Variants in VPS50 observed in about 807,000 individuals in gnomAD.
The protein encoded by VPS50 is VPS50 subunit of EARP/GARPII complex.
VPS50 carries 70 observed loss-of-function variants against 139.7 expected under a neutral mutation model. The ratio of observed to expected loss-of-function variants is 0.50; its 90% CI spans 0.41 to 0.61. VPS50 has a LOEUF of 0.61. Among genes scored for constraint, VPS50 ranks in the 20% least tolerant of loss-of-function variants. The pLI is 0.00. For synonymous variants in VPS50, 365 were observed against 376.7 expected (o/e 0.97, Z 0.36); for missense variants, 921 against 1,133.7 (o/e 0.81, Z 2.69).
intron 16 of VPS50, among the ~76,000 whole-genome samples, chr7:93,299,375 C>T (rs1170497141): frequency 1.3e-5 from 2 of 152,152 alleles, no homozygotes; most frequent in Non-Finnish European, 2.9e-5. Flanking sequence ...AATTTAATAT[C>T]CCCTTTGCCA....
At chr7:93,282,079 T>C (rs1007564512) in intron 12 of VPS50, among the ~76,000 whole-genome samples, 1 of 151,736 alleles carries the variant, frequency 6.6e-6, no homozygotes, top group African/African-American at 2.4e-5. Context: ...TGGCGGGCGC[T>C]TGTAGTCCCA....
intron 2 of VPS50, among the ~76,000 whole-genome samples, chr7:93,249,554 G>T (rs1468475705): frequency 1.3e-5 from 2 of 152,026 alleles, no homozygotes; most frequent in Non-Finnish European, 2.9e-5. Context: ...TTGAATTTCT[G>T]GCTTGGCTCT....
intron 21 of VPS50, 38 bp downstream of exon 21, chr7:93,323,770 A>C (rs773314749): frequency 8.5e-7 from 1 of 1,170,686 alleles, no homozygotes; most frequent in Non-Finnish European, 1.2e-6. Flanking sequence ...TCTTTCTTTT[A>C]AAATTTATTT....
intron 11 of VPS50, among the ~76,000 whole-genome samples, chr7:93,274,719 A>G (rs989840194): frequency 2.0e-5 from 3 of 152,180 alleles, no homozygotes; most frequent in Non-Finnish European, 2.9e-5. Context: ...TAAGAAATAC[A>G]TTTTATAAGG....
intron 2 of VPS50, among the ~76,000 whole-genome samples, chr7:93,248,131 T>C (rs1428922774): frequency 1.3e-5 from 2 of 151,998 alleles, no homozygotes; most frequent in Middle Eastern, 3.4e-3. Context: ...ATTATAAAAA[T>C]ATTTTAAACA....
At chr7:93,318,255 A>G (rs1315661104) in intron 20 of VPS50, among the ~76,000 whole-genome samples, 1 of 152,118 alleles carries the variant, frequency 6.6e-6, no homozygotes, top group Non-Finnish European at 1.5e-5. Flanking sequence ...ACCATCCCTC[A>G]GTACATGTCA....
Position 93,355,939 on chromosome 7 carries a change from A to G in VPS50, c.2634A>G (p.Gln878=), listed in dbSNP as rs1193451912. 1 of 1,606,566 alleles carries G rather than the reference A, an allele frequency of 6.2e-7. No individual in the cohort carries two copies. The highest frequency in any genetic ancestry group is 8.5e-7 in the Non-Finnish European group (1 of 1,174,472). The change falls in exon 27 of 28, where the codon CAA becomes CAG. Residue 878 remains glutamine, a synonymous_variant. Coordinates refer to ENST00000305866, the MANE Select transcript of VPS50 (RefSeq NM_017667.4). ...KCSNEGRALM[Q]LDFQQFLMKL... ...GTAATGAGGGTCGTGCCCTGATGCA[A>G]TTGGATTTTCAACAGTTTTTAATGA...
intron 1 of VPS50, 117 bp downstream of exon 1, chr7:93,232,617 CA>C: frequency 1.1e-6 from 1 of 929,922 alleles, no homozygotes; most frequent in African/African-American, 1.6e-5. Flanking sequence ...TGGCAGGTGT[CA>C]GGGGGACTGG....
Position 93,341,446 on chromosome 7 carries a change from CT to C in VPS50, c.2079del (p.Ala694ProfsTer21). On this transcript the variant is annotated frameshift_variant, in exon 23 of 28. Coordinates refer to ENST00000305866, the MANE Select transcript of VPS50 (RefSeq NM_017667.4). LOFTEE classifies it high-confidence loss of function. ...LIDLEVSADP[T>X]ATLTAAEERK... ...TTTCAGGAAGTTTCAGCTGATCCTA[CT>C]GCCACACTCACAGCAGCAGAAGAAA... 1.2e-6 allele frequency: 2 copies of C among 1,610,288 alleles called. No individual in the cohort carries two copies. Among genetic ancestry groups the C allele is most frequent in the Non-Finnish European group, 1.7e-6 (2 of 1,178,720 alleles).
intron 9 of VPS50, among the ~76,000 whole-genome samples, chr7:93,261,640 T>C (rs1795681991): frequency 7.5e-6 from 1 of 134,116 alleles, no homozygotes; most frequent in Non-Finnish European, 1.5e-5. Context: ...ATTGCGCCAC[T>C]GCACTCCCAC....
intron 23 of VPS50, among the ~76,000 whole-genome samples, chr7:93,342,624 G>A (rs1305477052): frequency 1.3e-5 from 2 of 152,234 alleles, no homozygotes; most frequent in African/African-American, 4.8e-5. Flanking sequence ...CACGCAGCTG[G>A]AGATCTGAGA....
At chr7:93,334,089 C>T (rs538110315) in intron 21 of VPS50, 28 bp from the exon 22 acceptor site, 34 of 1,258,162 alleles carry the variant, frequency 2.7e-5, no homozygotes, top group Admixed American at 1.1e-4. Flanking sequence ...ATCTTTAGAA[C>T]GATATAACAA....
Position 93,283,526 on chromosome 7 carries a change from G to A in VPS50, c.942+7221G>A, listed in dbSNP as rs534604610. On this transcript the variant is annotated intron_variant, in intron 12 of 27. Coordinates refer to ENST00000305866, the MANE Select transcript of VPS50 (RefSeq NM_017667.4). ...GCTGGGATTATAGGTGTGAGCCACCGCGCCTGGCCTACTGAGCTTTTCTTA... is the reference window on the plus strand; with the variant it reads ...GCTGGGATTATAGGTGTGAGCCACCACGCCTGGCCTACTGAGCTTTTCTTA... Among the ~76,000 whole-genome samples the A allele has an allele frequency of 8.5e-5, 13 of 152,190 alleles. 1 individual carries two copies. In the South Asian group the frequency reaches 1.0e-3, roughly 12 times the overall value.
intron 20 of VPS50, among the ~76,000 whole-genome samples, chr7:93,313,081 G>A (rs1322454378): frequency 1.3e-5 from 2 of 152,190 alleles, no homozygotes; most frequent in Non-Finnish European, 2.9e-5. Context: ...ATTCTAAGAT[G>A]TAGGTTGAAA....
At chr7:93,289,489 G>T (rs1562870735) in intron 12 of VPS50, among the ~76,000 whole-genome samples, 1 of 151,824 alleles carries the variant, frequency 6.6e-6, no homozygotes, top group Non-Finnish European at 1.5e-5. Flanking sequence ...CTCACATATG[G>T]TGTTTTTTGC....
intron 21 of VPS50, among the ~76,000 whole-genome samples, chr7:93,325,123 G>GC (rs1420764717): frequency 9.9e-5 from 15 of 152,136 alleles, no homozygotes; most frequent in Non-Finnish European, 1.6e-4. Flanking sequence ...ACAGAACAGA[G>GC]CCCACAGAAA....
chr7:93,260,634 T>C (rs1235361892), intron 9 of VPS50, among the ~76,000 whole-genome samples: 2 of 108,488 alleles, frequency 1.8e-5, no homozygotes, highest in Non-Finnish European at 3.4e-5. Flanking sequence ...GTCTCTATGG[T>C]TTTTTTTTTT....
intron 26 of VPS50, among the ~76,000 whole-genome samples, chr7:93,354,307 T>G (rs1562902936): frequency 6.6e-6 from 1 of 151,890 alleles, no homozygotes; most frequent in Non-Finnish European, 1.5e-5. Flanking sequence ...TTCTTTTTTT[T>G]TTTTTTGAGA....
chr7:93,239,697 T>C (rs1363179023), intron 1 of VPS50, among the ~76,000 whole-genome samples, 169 bp from the exon 2 acceptor site: 1 of 152,160 alleles, frequency 6.6e-6, no homozygotes, highest in African/African-American at 2.4e-5. Context: ...GATTTAATAA[T>C]AGTACTATAT....
Sources: allele counts gnomAD v4.1 joint callset (sites outside exome capture counted in the v4.1 genomes callset), GRCh38; gene constraint gnomAD v4.1.1; transcripts MANE v1.5; gene names NCBI Gene and HGNC (gene_info 2026-07-23, HGNC 2026-07-21).